Variants in DOK1 observed in about 807,000 individuals in gnomAD.
DOK1 encodes the protein docking protein 1.
DOK1 carries 12 observed loss-of-function variants against 24.0 expected under a neutral mutation model. The observed-to-expected ratio is 0.50, with a 90% CI of 0.32 to 0.81. DOK1 has a LOEUF of 0.81. DOK1 is among the 30% of genes least tolerant of loss of function. The pLI, the probability that DOK1 is intolerant of heterozygous loss-of-function variation, is 0.03. For synonymous variants in DOK1, 250 were observed against 260.9 expected, an observed-to-expected ratio of 0.96 and a Z score of 0.40; for missense variants, 591 against 620.7, an observed-to-expected ratio of 0.95 and a Z score of 0.51.
At chr2:74,552,211 G>A, upstream of DOK1, 1 of 954,314 alleles carries the variant, frequency 1.0e-6, no homozygotes, top group Non-Finnish European at 1.6e-6. Context: ...ACTCAATGCT[G>A]GCTGTTCTTG....
upstream of DOK1, chr2:74,550,310 C>G: frequency 1.9e-6 from 3 of 1,614,100 alleles, no homozygotes; most frequent in Non-Finnish European, 2.5e-6. Flanking sequence ...ACACTCTGCT[C>G]GGTCCCACTG....
chr2:74,555,078 G>C lies in DOK1; in HGVS notation c.61-76G>C. 6.6e-7 allele frequency: 1 copy of C among 1,514,416 alleles called. No homozygotes were observed. Among genetic ancestry groups the C allele is most frequent in the Non-Finnish European group, 8.8e-7 (1 of 1,130,322 alleles). The allele number at this position is 1,514,416 out of a possible 1,614,324, so 93.8% of individuals were successfully genotyped here. Reference sequence around the variant, plus strand: ...CCCAGATCCCAAATCGACTTGCGCCGCAACCTCCTTCCCCGTCGGGACCCG... The same window carrying C: ...CCCAGATCCCAAATCGACTTGCGCCCCAACCTCCTTCCCCGTCGGGACCCG... On this transcript the variant is annotated intron_variant, in intron 1 of 4. Transcript: ENST00000233668. This position sits in a 1 kb window ranked among gnomAD's most constrained non-coding sequence, Gnocchi z 6.1.
At chr2:74,552,446 A>C (rs1360057071), upstream of DOK1, 1 of 1,613,864 alleles carries the variant, frequency 6.2e-7, no homozygotes, top group South Asian at 1.1e-5. Context: ...CCCATTCACC[A>C]GCTCGCTGTA....
Position 74,554,839 on chromosome 2 carries a change from C to G in DOK1, c.60+25C>G. On this transcript the variant is annotated intron_variant, in intron 1 of 4. Transcript: ENST00000233668. This position sits in a 1 kb window ranked among gnomAD's most constrained non-coding sequence, Gnocchi z 4.9. ...GGTAGTCTGGCGCATGGATGCCGAA[C>G]CTTATCCGGGCTAGTAGTGGGTGAG... 6.2e-7 allele frequency: 1 copy of G among 1,613,466 alleles called. No homozygotes were observed. The highest frequency in any genetic ancestry group is 8.5e-7 in the Non-Finnish European group (1 of 1,179,708).
chr2:74,553,250 G>A (rs1012364278), upstream of DOK1, among the ~76,000 whole-genome samples: 3 of 152,042 alleles, frequency 2.0e-5, no homozygotes, highest in Admixed American at 1.3e-4. Flanking sequence ...TGGGATCACA[G>A]ATCCCCTGAA....
At chr2:74,552,297 A>C, upstream of DOK1, 2 of 1,578,552 alleles carry the variant, frequency 1.3e-6, no homozygotes, top group Non-Finnish European at 1.7e-6. Context: ...GGAAATATCT[A>C]GGATATGCCT....
chr2:74,550,015 A>C (rs1290629539), upstream of DOK1: 2 of 985,084 alleles, frequency 2.0e-6, no homozygotes, highest in Admixed American at 1.2e-4. Context: ...AATGCTAAAA[A>C]CCTGTTGGAT....
At chr2:74,549,993 C>T (rs548722933), upstream of DOK1, 1 of 985,406 alleles carries the variant, frequency 1.0e-6, no homozygotes, top group African/African-American at 1.7e-5. This position sits in a 1 kb window ranked among gnomAD's most constrained non-coding sequence, Gnocchi z 5.3. Flanking sequence ...CAGGTTTAGC[C>T]CCTTGAATGT....
chr2:74,556,948 G>A lies in DOK1; in HGVS notation c.1280G>A (p.Gly427Asp). The change falls in exon 5 of 5, where the codon GGC becomes GAC. Residue 427 changes from glycine to aspartate, a missense_variant. Transcript: ENST00000233668. This position sits in a 1 kb window ranked among gnomAD's most constrained non-coding sequence, Gnocchi z 4.1. The part of the protein sequence containing the change: ...TKPLLAPKPQ[G>D]PAFPEPGTAT... ...CCCCTCCTTGCTCCCAAGCCCCAGG[G>A]CCCAGCCTTCCCTGAACCTGGTACT... The A allele has an allele frequency of 6.2e-7, 1 of 1,614,092 alleles. No homozygotes were observed. Among genetic ancestry groups the A allele is most frequent in the Non-Finnish European group, 8.5e-7 (1 of 1,179,974 alleles).
rs749086889 is a variant in DOK1, at chr2:74,555,612, C to T, written c.398C>T (p.Pro133Leu). The change falls in exon 3 of 5, where the codon CCT (proline) becomes CTT (leucine). Residue 133 changes from proline (P) to leucine (L), a missense_variant. Transcript: ENST00000233668. This position sits in a 1 kb window ranked among gnomAD's most constrained non-coding sequence, Gnocchi z 6.1. ...ACTCTGGCGCCTACCGATAACCCACCTAAGCTTTCTGCCCTGGAGATGCTG... is the reference window on the plus strand; with the variant it reads ...ACTCTGGCGCCTACCGATAACCCACTTAAGCTTTCTGCCCTGGAGATGCTG... The part of the protein sequence containing the change: ...SWTLAPTDNP[P>L]KLSALEMLEN... The T allele has an allele frequency of 2.5e-6, 4 of 1,614,212 alleles. No homozygotes were observed. Among genetic ancestry groups the T allele is most frequent in the East Asian group, 2.2e-5 (1 of 44,886 alleles).
Position 74,549,380 on chromosome 2 carries a change from C to A in DOK1, c.-358+208C>A. The stretch of plus-strand genomic sequence containing the variant: ...CCGCGGCCCCTCACCTGTAGAAGGC[C>A]GCGTTGACCCTCTTTTCGCTGGGGA... On this transcript the variant is annotated intron_variant, in intron 1 of 4. Transcript: ENST00000409429. This position sits in a 1 kb window ranked among gnomAD's most constrained non-coding sequence, Gnocchi z 5.3. 6.2e-7 allele frequency: 1 copy of A among 1,606,060 alleles called. No homozygotes were observed. Among genetic ancestry groups the A allele is most frequent in the South Asian group, 1.1e-5 (1 of 89,876 alleles).
chr2:74,555,800 G>A lies in DOK1; in HGVS notation c.455-94G>A, dbSNP rs1306038323. 2 of 1,583,716 alleles carry A rather than the reference G, an allele frequency of 1.3e-6. No homozygotes were observed. The highest frequency in any genetic ancestry group is 4.5e-5 in the East Asian group (2 of 44,596). On this transcript the variant is annotated intron_variant, in intron 3 of 4. Coordinates refer to ENST00000233668, the MANE Select transcript of DOK1 (RefSeq NM_001381.5). This position sits in a 1 kb window ranked among gnomAD's most constrained non-coding sequence, Gnocchi z 6.1. ...GAAGGCCCTGAGATCTGGCTTCCGA[G>A]TGAGTGCTTGGACACTATGCTCATG...
Position 74,554,854 on chromosome 2 carries a change from T to C in DOK1, c.60+40T>C. On this transcript the variant is annotated intron_variant, in intron 1 of 4. Transcript: ENST00000233668. This position sits in a 1 kb window ranked among gnomAD's most constrained non-coding sequence, Gnocchi z 4.9. ...GGATGCCGAACCTTATCCGGGCTAGTAGTGGGTGAGAGAGCCCAGAAACAG... is the reference window on the plus strand; with the variant it reads ...GGATGCCGAACCTTATCCGGGCTAGCAGTGGGTGAGAGAGCCCAGAAACAG... 6.2e-7 allele frequency: 1 copy of C among 1,611,508 alleles called. No homozygotes were observed. Among genetic ancestry groups the C allele is most frequent in the Non-Finnish European group, 8.5e-7 (1 of 1,178,830 alleles).
At position 74,555,415 on chromosome 2, in the gene DOK1, G is replaced by A. The variant is rs1160820856; in HGVS notation, c.322G>A (p.Ala108Thr). 6.2e-7 allele frequency: 1 copy of A among 1,611,206 alleles called. No individual in the cohort carries two copies. Among genetic ancestry groups the A allele is most frequent in the Non-Finnish European group, 8.5e-7 (1 of 1,179,328 alleles). Reference protein sequence around the residue: ...HLLAADAPSSAAWVQTLCRNA... With the variant: ...HLLAADAPSSTAWVQTLCRNA... ...GCTGGCGGCCGACGCGCCGTCCAGTGCAGCCTGGGTGCAGACGCTGTGCCG... is the reference window on the plus strand; with the variant it reads ...GCTGGCGGCCGACGCGCCGTCCAGTACAGCCTGGGTGCAGACGCTGTGCCG... The change falls in exon 2 of 5, where the codon GCA (alanine) becomes ACA (threonine). Residue 108 changes from alanine (A) to threonine (T), a missense_variant. By Grantham distance (58) the Ala-to-Thr change is moderately conservative. Transcript: ENST00000233668. The surrounding 1 kb of genome is among the most constrained non-coding windows in gnomAD (Gnocchi z 6.1).
In DOK1 at chr2:74,555,258, G is replaced by A; in HGVS notation, c.165G>A (p.Gly55=). The A allele has an allele frequency of 6.2e-7, 1 of 1,614,006 alleles. No individual in the cohort carries two copies. The highest frequency in any genetic ancestry group is 8.5e-7 in the Non-Finnish European group (1 of 1,180,034). The change falls in exon 2 of 5, where the codon GGG becomes GGA. Residue 55 remains glycine, a synonymous_variant. Transcript: ENST00000233668. This position sits in a 1 kb window ranked among gnomAD's most constrained non-coding sequence, Gnocchi z 6.1. The part of the protein sequence containing the change: ...HKGSSSGGGR[G]SSRRLDCKVI... ...GGTCGAGCTCTGGGGGTGGCCGAGG[G>A]AGCTCGCGCCGCCTGGACTGCAAAG...
At position 74,555,146 on chromosome 2, in the gene DOK1, C is replaced by T. The variant is rs766283877; in HGVS notation, c.61-8C>T. Reference sequence around the variant, plus strand: ...ACTCCCTCTCGAGCACTCTCTCTCTCTCCCTAGAGGTGGAGGAAGACCTGG... The same window carrying T: ...ACTCCCTCTCGAGCACTCTCTCTCTTTCCCTAGAGGTGGAGGAAGACCTGG... On this transcript the variant is annotated splice_polypyrimidine_tract_variant and splice_region_variant and intron_variant, in intron 1 of 4. Transcript: ENST00000233668. This position sits in a 1 kb window ranked among gnomAD's most constrained non-coding sequence, Gnocchi z 6.1. The T allele has an allele frequency of 1.9e-6, 3 of 1,605,670 alleles. No homozygotes were observed. Among genetic ancestry groups the T allele is most frequent in the South Asian group, 2.2e-5 (2 of 90,648 alleles).
At position 74,557,284 on chromosome 2, in the gene DOK1, C is replaced by T. The variant is rs1677551757; in HGVS notation, c.*170C>T. On this transcript the variant is annotated 3_prime_UTR_variant, in exon 5 of 5. Coordinates refer to ENST00000233668, the MANE Select transcript of DOK1 (RefSeq NM_001381.5). ...AAGGGAAGGACAATCCCAGGAAGTC[C>T]TAAGAAGTGGGGCAGATGGCAGGGC... 1.3e-5 allele frequency: 9 copies of T among 687,442 alleles called. No individual in the cohort carries two copies. In the Admixed American group the frequency reaches 2.7e-4, roughly 20 times the overall value. 42.6% of individuals were successfully genotyped at this position (687,442 alleles called of 1,614,324 possible). A position where few individuals can be genotyped will look rare whatever the true frequency, so the allele number is the denominator to read the frequency against.
Position 74,556,557 on chromosome 2 carries a change from G to C in DOK1, c.889G>C (p.Ala297Pro), listed in dbSNP as rs541703266. The C allele has an allele frequency of 5.6e-6, 9 of 1,614,214 alleles. No individual in the cohort carries two copies. The East Asian group carries it at 1.6e-4, about 28-fold the overall frequency. ...CCTCGACAGTCCCCCAGCCCTGTAT[G>C]CTGAGCCCTTAGACTCCCTGCGCAT... ...ELLDSPPALYAEPLDSLRIAP... is the reference protein window; with the variant it reads ...ELLDSPPALYPEPLDSLRIAP... The change falls in exon 5 of 5, where the codon GCT (alanine) becomes CCT (proline). Residue 297 changes from alanine to proline, a missense_variant. Transcript: ENST00000233668. This position sits in a 1 kb window ranked among gnomAD's most constrained non-coding sequence, Gnocchi z 4.1.
At chr2:74,551,455 C>T (rs1458798193), upstream of DOK1, among the ~76,000 whole-genome samples, 1 of 152,212 alleles carries the variant, frequency 6.6e-6, no homozygotes, top group Non-Finnish European at 1.5e-5. Flanking sequence ...TCCTTTGGTG[C>T]CAACCAGAAA....
Sources: allele counts gnomAD v4.1 joint callset (sites outside exome capture counted in the v4.1 genomes callset), GRCh38; gene constraint gnomAD v4.1.1; non-coding constraint Gnocchi (gnomAD v3.1); transcripts MANE v1.5; gene names NCBI Gene and HGNC (gene_info 2026-07-23, HGNC 2026-07-21).